The following ANO5 variants were observed in gnomAD, a reference collection of about 807,000 sequenced individuals.
ANO5 encodes the protein anoctamin-5.
In ANO5, 109 loss-of-function variants were observed where a neutral mutation model predicts 121.0. The observed-to-expected ratio is 0.90, with a 90% CI of 0.77 to 1.06. The LOEUF (loss-of-function observed/expected upper bound fraction) is 1.06. Among genes scored for constraint, ANO5 ranks in the 50% least tolerant of loss-of-function variants. ANO5 has a pLI of 0.00. For missense variants in ANO5, 1,064 were observed against 1,078.5 expected (o/e 0.99, Z 0.19); for synonymous variants, 406 against 359.9 (o/e 1.13, Z -1.45).
At chr11:22,239,492 T>G (rs1490250300) in intron 8 of ANO5, 77 bp from the exon 9 acceptor site, 2 of 996,222 alleles carry the variant, frequency 2.0e-6, no homozygotes, top group African/African-American at 3.2e-5. Context: ...CTAACATTCT[T>G]AGAACAGCAG....
At chr11:22,196,234 T>C (rs1851806265) in intron 1 of ANO5, among the ~76,000 whole-genome samples, 1 of 152,162 alleles carries the variant, frequency 6.6e-6, no homozygotes, top group African/African-American at 2.4e-5. Context: ...CCTCTTAACA[T>C]GTTGGAAGGT....
intron 4 of ANO5, among the ~76,000 whole-genome samples, chr11:22,220,765 T>G (rs1852614300): frequency 6.6e-6 from 1 of 152,030 alleles, no homozygotes; most frequent in African/African-American, 2.4e-5. Context: ...AATTATTTAG[T>G]GGACTAAGTG....
In ANO5 at chr11:22,208,216, C is replaced by T. The variant is rs73481608; in HGVS notation, c.88-3048C>T. Among the ~76,000 whole-genome samples the T allele has an allele frequency of 9.1e-3, 1,377 of 152,112 alleles. 30 individuals are homozygous for T. Among genetic ancestry groups the T allele is most frequent in the African/African-American group, 0.032 (1,334 of 41,508 alleles). ...AGAAATGTAAACATATATTCATACG[C>T]AAAACCTAAACACAGATATTCACAG... On this transcript the variant is annotated intron_variant, in intron 2 of 21. Transcript: ENST00000324559.
intron 2 of ANO5, among the ~76,000 whole-genome samples, chr11:22,206,190 G>C (rs917829782): frequency 5.9e-5 from 9 of 152,126 alleles, no homozygotes; most frequent in Non-Finnish European, 1.2e-4. Context: ...CTAAAAGTTG[G>C]ATCCCTCATG....
At chr11:22,204,076 C>A (rs1461093017) in intron 2 of ANO5, among the ~76,000 whole-genome samples, 1 of 151,988 alleles carries the variant, frequency 6.6e-6, no homozygotes, top group African/African-American at 2.4e-5. Context: ...TGTTTTGAGG[C>A]TCCCTGTGAA....
intron 16 of ANO5, among the ~76,000 whole-genome samples, chr11:22,262,737 G>GT (rs1456756425): frequency 2.6e-5 from 4 of 152,268 alleles, no homozygotes; most frequent in Admixed American, 2.0e-4. Flanking sequence ...AGAAATCTGT[G>GT]TTTTTTAACA....
At chr11:22,217,532 TAAC>T (rs2133575092) in intron 3 of ANO5, among the ~76,000 whole-genome samples, 1 of 152,152 alleles carries the variant, frequency 6.6e-6, no homozygotes, top group Non-Finnish European at 1.5e-5. Flanking sequence ...CAGGCATACT[TAAC>T]AAAATATCTA....
At chr11:22,271,583 C>T (rs1378249261) in intron 18 of ANO5, among the ~76,000 whole-genome samples, 1 of 152,142 alleles carries the variant, frequency 6.6e-6, no homozygotes, top group Non-Finnish European at 1.5e-5. Flanking sequence ...TGAGTTTGCA[C>T]ATATGTACAT....
intron 9 of ANO5, 88 bp from the exon 10 acceptor site, chr11:22,250,149 A>C (rs1853756245): frequency 7.8e-7 from 1 of 1,278,916 alleles, no homozygotes; most frequent in African/African-American, 1.5e-5. Context: ...AGCCAAAATT[A>C]GAATATATGC....
chr11:22,268,240 A>G (rs78035612), intron 17 of ANO5, among the ~76,000 whole-genome samples: 1 of 151,866 alleles, frequency 6.6e-6, no homozygotes, highest in African/African-American at 2.4e-5. Context: ...TTTCATTGAA[A>G]TTATATTTTA....
chr11:22,277,527 A>G lies in ANO5; in HGVS notation c.2520+1328A>G, dbSNP rs148005944. Among the ~76,000 whole-genome samples the G allele has an allele frequency of 1.7e-3, 257 of 151,708 alleles. 8 individuals are homozygous for G. In the East Asian group the frequency reaches 0.041, roughly 24 times the overall value. On this transcript the variant is annotated intron_variant, in intron 21 of 21. Coordinates refer to ENST00000324559, the MANE Select transcript of ANO5 (RefSeq NM_213599.3). ...GATTAAGAGATTTTATATAAATACA[A>G]TAGTCAGGGTTTATAAATTATGACT...
chr11:22,231,911 A>G (rs1445006286), intron 7 of ANO5, among the ~76,000 whole-genome samples: 1 of 151,950 alleles, frequency 6.6e-6, no homozygotes, highest in African/African-American at 2.4e-5. Flanking sequence ...TGGACGCATA[A>G]AATGATAGAG....
Position 22,218,274 on chromosome 11 carries a change from G to A in ANO5, c.167G>A (p.Arg56Lys), listed in dbSNP as rs1296271137. 3.7e-6 allele frequency: 6 copies of A among 1,613,250 alleles called. No individual in the cohort carries two copies. Among genetic ancestry groups the A allele is most frequent in the African/African-American group, 1.3e-5 (1 of 74,832 alleles). The change falls in exon 4 of 22, where the codon AGG (arginine) becomes AAG (lysine). Residue 56 changes from arginine to lysine, a missense_variant. Coordinates refer to ENST00000324559, the MANE Select transcript of ANO5 (RefSeq NM_213599.3). ...MPAKRFNLFL[R>K]RRLMFQKNQQ... Reference sequence around the variant, plus strand: ...GCAAAGCGATTCAATTTGTTCCTGAGGCGGCGGCTTATGGTAAAACCAGTG... The same window carrying A: ...GCAAAGCGATTCAATTTGTTCCTGAAGCGGCGGCTTATGGTAAAACCAGTG...
chr11:22,249,462 AT>A (rs1853726594), intron 9 of ANO5, among the ~76,000 whole-genome samples: 1 of 152,098 alleles, frequency 6.6e-6, no homozygotes, highest in African/African-American at 2.4e-5. Flanking sequence ...ATCTATATGA[AT>A]AAGGAGGAAG....
At chr11:22,198,651 C>T (rs1369292199) in intron 1 of ANO5, among the ~76,000 whole-genome samples, 3 of 152,096 alleles carry the variant, frequency 2.0e-5, no homozygotes, top group Admixed American at 2.0e-4. Context: ...AATTGTAAAA[C>T]TCTTTAAACC....
At chr11:22,245,757 T>C (rs1040792266) in intron 9 of ANO5, among the ~76,000 whole-genome samples, 1 of 152,200 alleles carries the variant, frequency 6.6e-6, no homozygotes, top group Non-Finnish European at 1.5e-5. Context: ...ATTCTCAATG[T>C]GTTGTCTGTA....
At chr11:22,265,147 C>A (rs1854318654) in intron 17 of ANO5, among the ~76,000 whole-genome samples, 1 of 152,062 alleles carries the variant, frequency 6.6e-6, no homozygotes, top group Non-Finnish European at 1.5e-5. Flanking sequence ...GAATTCAATT[C>A]ATACCCAGAT....
chr11:22,243,940 T>G (rs1269010605), intron 9 of ANO5, among the ~76,000 whole-genome samples: 1 of 152,094 alleles, frequency 6.6e-6, no homozygotes, highest in Non-Finnish European at 1.5e-5. Context: ...GATTTTGATC[T>G]TGTCATCATG....
At chr11:22,237,055 C>A (rs1853246736) in intron 8 of ANO5, among the ~76,000 whole-genome samples, 1 of 152,070 alleles carries the variant, frequency 6.6e-6, no homozygotes, top group African/African-American at 2.4e-5. Context: ...AATTTCACCA[C>A]CTATTGGCAG....
Sources: allele counts gnomAD v4.1 joint callset (sites outside exome capture counted in the v4.1 genomes callset), GRCh38; gene constraint gnomAD v4.1.1; transcripts MANE v1.5; gene names NCBI Gene and HGNC (gene_info 2026-07-23, HGNC 2026-07-21).